The following ASPM variants were observed in gnomAD, a reference collection of about 807,000 sequenced individuals.
ASPM encodes the protein assembly factor for spindle microtubules.
A neutral mutation model predicts 366.4 loss-of-function variants in ASPM; 256 were observed. That is an observed-to-expected ratio of 0.70 (90% CI 0.63 to 0.77). The LOEUF (loss-of-function observed/expected upper bound fraction) is 0.77, where lower values mean the gene tolerates loss of function less well. Ranked by LOEUF, ASPM falls within the 30% of genes least tolerant of loss-of-function variation. The probability of loss-of-function intolerance (pLI) is 0.00; values close to 1 mark genes in which losing one functional copy is unlikely to be tolerated. For synonymous variants in ASPM, 1,414 were observed against 1,342.9 expected (o/e 1.05, Z -1.16); for missense variants, 4,146 against 4,090.4 (o/e 1.01, Z -0.37).
At chr1:197,135,357 C>T in intron 4 of ASPM, 115 bp from the exon 5 acceptor site, 1 of 1,068,554 alleles carries the variant, frequency 9.4e-7, no homozygotes, top group South Asian at 1.3e-5. Context: ...ACAATATTTG[C>T]TTTTCTACTA....
rs587783283 is a variant in ASPM, at chr1:197,100,538, CTT to C, written c.8711_8712del (p.Gln2904ArgfsTer15). On this transcript the variant is annotated frameshift_variant, in exon 18 of 28. Transcript: ENST00000367409. LOFTEE classifies it high-confidence loss of function. ...RAFLSAKHQR[Q>X]VYLQIRSSVI... is the part of the protein sequence containing the mutation. ...ACACTGCTTCTGATCTGTAAATAGA[CTT>C]GTCTTTGATGTTTTGCAGACAGAAA... The C allele has an allele frequency of 3.1e-6, 5 of 1,611,338 alleles. No homozygotes were observed. In the Admixed American group the frequency reaches 8.4e-5, roughly 27 times the overall value.
rs777019490 is a variant in ASPM, at chr1:197,144,092, C to G, written c.306G>C (p.Glu102Asp). 2 of 1,600,968 alleles carry G rather than the reference C, an allele frequency of 1.2e-6. No homozygotes were observed. Among genetic ancestry groups the G allele is most frequent in the Non-Finnish European group, 1.7e-6 (2 of 1,168,738 alleles). Reference sequence around the variant, plus strand: ...TCCAGTTAACAGAAATAACAATTTTCTCTTTAGGCTATAATCAAAACAATA... The same window carrying G: ...TCCAGTTAACAGAAATAACAATTTTGTCTTTAGGCTATAATCAAAACAATA... ...SQRCFVLQPK[E>D]KIVISVNWTP... Residue 102 changes from glutamate to aspartate, a missense_variant, in exon 2 of 28, where the codon GAG becomes GAC. Glu to Asp is a conservative substitution (Grantham distance 45, BLOSUM62 2). Coordinates refer to ENST00000367409, the MANE Select transcript of ASPM (RefSeq NM_018136.5).
intron 4 of ASPM, chr1:197,138,958 G>A (rs762976709): frequency 2.7e-6 from 2 of 736,444 alleles, no homozygotes; most frequent in African/African-American, 1.7e-5. Flanking sequence ...TCCTTGACTC[G>A]CTGCATAAAT....
At position 197,093,071 on chromosome 1, in the gene ASPM, C is replaced by T. The variant is rs1656836299; in HGVS notation, c.9275G>A (p.Gly3092Asp). 1 of 1,610,766 alleles carries T rather than the reference C, an allele frequency of 6.2e-7. No homozygotes were observed. The highest frequency in any genetic ancestry group is 1.3e-5 in the African/African-American group (1 of 74,788). ...ACTTACTCTTTTTCGTACTAGCCAACCACGCACCAGTGCTTGTAGGATAAC... is the reference window on the plus strand; with the variant it reads ...ACTTACTCTTTTTCGTACTAGCCAATCACGCACCAGTGCTTGTAGGATAAC... Reference protein sequence around the residue: ...STVILQALVRGWLVRKRFLEQ... With the variant: ...STVILQALVRDWLVRKRFLEQ... Residue 3092 changes from glycine (G) to aspartate (D), a missense_variant, in exon 21 of 28, where the codon GGT becomes GAT. Transcript: ENST00000367409.
intron 19 of ASPM, among the ~76,000 whole-genome samples, chr1:197,095,308 A>G (rs1010290664): frequency 6.6e-6 from 1 of 151,640 alleles, no homozygotes; most frequent in Admixed American, 6.6e-5. Flanking sequence ...GATCAACTGT[A>G]TATGTTAAGC....
intron 17 of ASPM, 147 bp downstream of exon 17, chr1:197,117,642 C>A (rs934678307): frequency 2.8e-6 from 2 of 720,370 alleles, no homozygotes; most frequent in Non-Finnish European, 4.5e-6. Flanking sequence ...CCATAACGAG[C>A]TTTTCAGGTA....
At chr1:197,107,402 G>A (rs1331917817) in intron 17 of ASPM, among the ~76,000 whole-genome samples, 2 of 152,088 alleles carry the variant, frequency 1.3e-5, no homozygotes, top group Non-Finnish European at 2.9e-5. Context: ...GATGAGAACA[G>A]GTGGCCTGAA....
chr1:197,111,062 TG>T lies in ASPM; in HGVS notation c.4066-5878del, dbSNP rs571994196. 4.6e-3 allele frequency among the ~76,000 whole-genome samples: 694 copies of T among 151,928 alleles called. 3 individuals are homozygous for T. Among genetic ancestry groups the T allele is most frequent in the Admixed American group, 8.1e-3 (124 of 15,254 alleles). ...TTATAACAAAGTCCCCAAAAGCAAT[TG>T]CAACAAAAAACATAATTGACAAATG... On this transcript the variant is annotated intron_variant, in intron 17 of 27. Coordinates refer to ENST00000367409, the MANE Select transcript of ASPM (RefSeq NM_018136.5).
At chr1:197,099,031 T>G (rs1571595580) in intron 18 of ASPM, among the ~76,000 whole-genome samples, 1 of 151,642 alleles carries the variant, frequency 6.6e-6, no homozygotes, top group Non-Finnish European at 1.5e-5. Flanking sequence ...GTAACTCTGC[T>G]GAGTTACTTA....
At chr1:197,113,052 T>G (rs1417123698) in intron 17 of ASPM, among the ~76,000 whole-genome samples, 1 of 152,178 alleles carries the variant, frequency 6.6e-6, no homozygotes, top group Non-Finnish European at 1.5e-5. Context: ...AAAAAAATTA[T>G]GTCCTTTGCA....
In ASPM at chr1:197,101,277, G is replaced by GT. The variant is rs1334313819; in HGVS notation, c.7973dup (p.Tyr2658Ter). The GT allele has an allele frequency of 6.2e-7, 1 of 1,611,690 alleles. No homozygotes were observed. Among genetic ancestry groups the GT allele is most frequent in the African/African-American group, 1.3e-5 (1 of 74,760 alleles). ...RATVVSIQRRYRKLTAVRTQA... is the reference protein window; with the variant it reads ...RATVVSIQRR ...GGGTACGCACTGCAGTTAGTTTTCT[G>GT]TATCTTCTTTGAATAGAAACTACTG... The change falls in exon 18 of 28, where the codon TAC becomes TAAC. Residue 2658 changes from tyrosine (Y) to a stop codon, truncating the protein, a stop_gained and frameshift_variant. Transcript: ENST00000367409. LOFTEE classifies it high-confidence loss of function.
intron 17 of ASPM, among the ~76,000 whole-genome samples, chr1:197,117,300 T>C (rs1356205491): frequency 6.6e-6 from 1 of 151,966 alleles, no homozygotes; most frequent in Non-Finnish European, 1.5e-5. Context: ...AAAGACTATA[T>C]TAAGTCAGTA....
At position 197,142,354 on chromosome 1, in the gene ASPM, TTC is replaced by T. The variant is rs1170413397; in HGVS notation, c.1896_1897del (p.Lys633IlefsTer8). The T allele has an allele frequency of 4.3e-6, 7 of 1,613,752 alleles. No individual in the cohort carries two copies. The highest frequency in any genetic ancestry group is 2.2e-5 in the East Asian group (1 of 44,874). Reference sequence around the variant, plus strand: ...ACCAGTTTTCTTCTTCAGGTTTAATTTCTCTCTGTTGCTAATACGTTTTGAGA... The same window carrying T: ...ACCAGTTTTCTTCTTCAGGTTTAATTTCTCTGTTGCTAATACGTTTTGAGA... On this transcript the variant is annotated frameshift_variant, in exon 3 of 28. Transcript: ENST00000367409. LOFTEE classifies it high-confidence loss of function.
In ASPM at chr1:197,101,923, G is replaced by A. The variant is rs1571598933; in HGVS notation, c.7328C>T (p.Ala2443Val). 1 of 1,612,764 alleles carries A rather than the reference G, an allele frequency of 6.2e-7. No homozygotes were observed. The highest frequency in any genetic ancestry group is 8.5e-7 in the Non-Finnish European group (1 of 1,179,290). The change falls in exon 18 of 28, where the codon GCC becomes GTC. Residue 2443 changes from alanine to valine, a missense_variant. By Grantham distance (64) the Ala-to-Val change is moderately conservative. Transcript: ENST00000367409. ...CAATTTATGTTTGGCACAAATGGTG[G>A]CTCGATATTTCCTCTGAACAAAAAT... ...ATIFVQRKYR[A>V]TICAKHKLYQ...
chr1:197,100,401 G>A (rs780854514), intron 18 of ASPM, 30 bp downstream of exon 18: 1 of 1,349,378 alleles, frequency 7.4e-7, no homozygotes, highest in Non-Finnish European at 1.0e-6. Context: ...AAGACTCACA[G>A]TTTTATATTT....
At chr1:197,121,351 A>G (rs1657901328) in intron 16 of ASPM, among the ~76,000 whole-genome samples, 1 of 152,186 alleles carries the variant, frequency 6.6e-6, no homozygotes, top group Admixed American at 6.6e-5. Context: ...TAACATCTCT[A>G]TTCTCATGCC....
chr1:197,117,640 A>T, intron 17 of ASPM, 149 bp downstream of exon 17: 1 of 704,116 alleles, frequency 1.4e-6, no homozygotes, highest in Non-Finnish European at 2.3e-6. Flanking sequence ...CACCATAACG[A>T]GCTTTTCAGG....
At position 197,104,337 on chromosome 1, in the gene ASPM, C is replaced by A. The variant is rs759159863; in HGVS notation, c.4914G>T (p.Val1638=). ...GCATCCCTCTATATGCAGACTGCAGCACAATGACAGCAGAGCGTGTTTTCT... is the reference window on the plus strand; with the variant it reads ...GCATCCCTCTATATGCAGACTGCAGAACAATGACAGCAGAGCGTGTTTTCT... ...SYQKTRSAVI[V]LQSAYRGMQA... Residue 1638 remains valine (V), a synonymous_variant, in exon 18 of 28, where the codon GTG becomes GTT. Coordinates refer to ENST00000367409, the MANE Select transcript of ASPM (RefSeq NM_018136.5). The A allele has an allele frequency of 2.5e-6, 4 of 1,613,020 alleles. No individual in the cohort carries two copies. The highest frequency in any genetic ancestry group is 3.4e-6 in the Non-Finnish European group (4 of 1,179,414).
chr1:197,093,962 G>T (rs911957196), intron 20 of ASPM, 122 bp downstream of exon 20: 3 of 637,166 alleles, frequency 4.7e-6, no homozygotes, highest in Non-Finnish European at 5.5e-6. Context: ...GCATACTTAG[G>T]TCTTAAAAAC....
Sources: allele counts gnomAD v4.1 joint callset (sites outside exome capture counted in the v4.1 genomes callset), GRCh38; gene constraint gnomAD v4.1.1; transcripts MANE v1.5; gene names NCBI Gene and HGNC (gene_info 2026-07-23, HGNC 2026-07-21).